LEKR1: variants seen among roughly 807,000 people sequenced by gnomAD.
LEKR1 encodes protein LEKR1.
Under a neutral mutation model 72.4 loss-of-function variants are expected in LEKR1, and 59 were observed. The observed-to-expected ratio is 0.82, with a 90% CI of 0.66 to 1.01. The LOEUF (loss-of-function observed/expected upper bound fraction) is 1.01, where lower values mean the gene tolerates loss of function less well. LEKR1 is among the 50% of genes least tolerant of loss of function. The pLI is 0.00. For missense variants in LEKR1, 728 were observed against 759.2 expected (o/e 0.96, Z 0.48); for synonymous variants, 257 against 263.2 (o/e 0.98, Z 0.23).
At chr3:156,914,498 CT>C (rs1723412017) in intron 3 of LEKR1, among the ~76,000 whole-genome samples, 2 of 152,082 alleles carry the variant, frequency 1.3e-5, no homozygotes, top group South Asian at 2.1e-4. Flanking sequence ...TGAACTCAAC[CT>C]TTTTTATGGC....
chr3:156,906,056 T>A (rs2108565839), intron 3 of LEKR1, among the ~76,000 whole-genome samples: 1 of 152,264 alleles, frequency 6.6e-6, no homozygotes, highest in Admixed American at 6.5e-5. Context: ...AATAAATTAA[T>A]CTTTAGAACC....
intron 2 of LEKR1, among the ~76,000 whole-genome samples, chr3:156,835,518 G>A (rs1051069720): frequency 2.0e-5 from 3 of 152,226 alleles, no homozygotes; most frequent in African/African-American, 4.8e-5. Flanking sequence ...ATTTTATGGT[G>A]TATCTCATTG....
intron 5 of LEKR1, among the ~76,000 whole-genome samples, chr3:156,931,631 C>T (rs938123042): frequency 6.6e-6 from 1 of 151,934 alleles, no homozygotes; most frequent in Non-Finnish European, 1.5e-5. Context: ...AATGGGTTCT[C>T]TAAAAGAAAA....
chr3:156,954,450 G>A (rs999356149), intron 6 of LEKR1, among the ~76,000 whole-genome samples: 1 of 151,970 alleles, frequency 6.6e-6, no homozygotes, highest in Non-Finnish European at 1.5e-5. Flanking sequence ...CGTCCTGAAT[G>A]ATATTGCCTA....
intron 9 of LEKR1, among the ~76,000 whole-genome samples, chr3:157,010,803 G>A (rs1732828971): frequency 6.6e-6 from 1 of 151,962 alleles, no homozygotes; most frequent in Admixed American, 6.6e-5. Flanking sequence ...ATTAAGATCT[G>A]CTTATGTGGA....
chr3:157,010,563 GTGA>G (rs1481404686), intron 9 of LEKR1, among the ~76,000 whole-genome samples: 1 of 152,034 alleles, frequency 6.6e-6, no homozygotes, highest in Non-Finnish European at 1.5e-5. Flanking sequence ...AAGGAAGAGA[GTGA>G]TGATGAAAAA....
Position 157,041,529 on chromosome 3 carries a change from G to T in LEKR1, c.1669-3811G>T, listed in dbSNP as rs552669284. On this transcript the variant is annotated intron_variant, in intron 12 of 12. Transcript: ENST00000356539. ...GCTCACTCTTCCCTATATCAGTCCT[G>T]GTCTCTCCTCCCCGTGTGCACCTGC... Among the ~76,000 whole-genome samples the T allele has an allele frequency of 8.6e-5, 13 of 152,016 alleles. 1 individual carries two copies. The South Asian group carries it at 2.7e-3, about 32-fold the overall frequency.
intron 7 of LEKR1, among the ~76,000 whole-genome samples, chr3:156,987,042 GTATTGTATTGTA>G (rs1730754209): frequency 6.7e-6 from 1 of 150,248 alleles, no homozygotes; most frequent in African/African-American, 2.5e-5. Context: ...GTATTGTATT[GTATTGTATTGTA>G]TTGTATTGTA....
At chr3:156,842,776 T>G (rs1714097170) in intron 2 of LEKR1, among the ~76,000 whole-genome samples, 1 of 152,236 alleles carries the variant, frequency 6.6e-6, no homozygotes, top group African/African-American at 2.4e-5. Context: ...TCTCATCTCC[T>G]CAGGGAATTT....
At chr3:156,882,854 G>T (rs1001200434) in intron 3 of LEKR1, among the ~76,000 whole-genome samples, 6 of 151,724 alleles carry the variant, frequency 4.0e-5, no homozygotes, top group Non-Finnish European at 5.9e-5. Flanking sequence ...CCTTTGTAGG[G>T]ACATGGATGA....
chr3:156,981,951 G>A (rs1469859811), intron 7 of LEKR1, among the ~76,000 whole-genome samples: 1 of 152,142 alleles, frequency 6.6e-6, no homozygotes, highest in African/African-American at 2.4e-5. Flanking sequence ...GCTGGGAATA[G>A]GAATGTTTGT....
At chr3:156,911,842 A>C (rs1723138257) in intron 3 of LEKR1, among the ~76,000 whole-genome samples, 1 of 151,762 alleles carries the variant, frequency 6.6e-6, no homozygotes, top group African/African-American at 2.4e-5. Context: ...TGGGTTCTCT[A>C]TTCTGTTCCA....
chr3:156,899,575 T>C (rs1282037746), intron 3 of LEKR1, among the ~76,000 whole-genome samples: 3 of 143,626 alleles, frequency 2.1e-5, no homozygotes, highest in Non-Finnish European at 4.6e-5. Flanking sequence ...CATGTATATA[T>C]ACATATACAT....
chr3:156,871,082 A>G (rs980944881), intron 3 of LEKR1, among the ~76,000 whole-genome samples: 1 of 151,970 alleles, frequency 6.6e-6, no homozygotes, highest in Admixed American at 6.6e-5. Flanking sequence ...CATTAGGTAT[A>G]TATCCCAATG....
chr3:156,928,546 A>G (rs1724933731), intron 5 of LEKR1, among the ~76,000 whole-genome samples: 3 of 152,188 alleles, frequency 2.0e-5, no homozygotes, highest in South Asian at 4.1e-4. Flanking sequence ...AGAGCAAGGT[A>G]CAGTTTGCTC....
At chr3:156,987,676 A>T (rs1414871979) in intron 7 of LEKR1, among the ~76,000 whole-genome samples, 1 of 152,212 alleles carries the variant, frequency 6.6e-6, no homozygotes, top group Non-Finnish European at 1.5e-5. Flanking sequence ...TCCACATTTC[A>T]GTTCCCAGGC....
At chr3:156,874,621 T>C (rs1436692069) in intron 3 of LEKR1, among the ~76,000 whole-genome samples, 1 of 152,102 alleles carries the variant, frequency 6.6e-6, no homozygotes, top group African/African-American at 2.4e-5. Flanking sequence ...TTTCTGAGAT[T>C]TTAGTGTGTT....
At chr3:157,025,559 C>T (rs1021026628) in intron 11 of LEKR1, among the ~76,000 whole-genome samples, 2 of 152,102 alleles carry the variant, frequency 1.3e-5, no homozygotes, top group African/African-American at 2.4e-5. Context: ...CAGACAAGAC[C>T]TAATGGCTTC....
At chr3:157,016,736 A>G (rs2108027174) in intron 10 of LEKR1, among the ~76,000 whole-genome samples, 1 of 152,286 alleles carries the variant, frequency 6.6e-6, no homozygotes, top group Non-Finnish European at 1.5e-5. Context: ...GATATTTATA[A>G]CATAGAAGCA....
Sources: gnomAD v4.1 joint callset for allele counts (sites outside exome capture counted in the v4.1 genomes callset) on GRCh38, gnomAD v4.1.1 for gene constraint, MANE v1.5 for transcripts, NCBI Gene and HGNC (gene_info 2026-07-23, HGNC 2026-07-21) for gene names.